TRPC3: variants seen among roughly 807,000 people sequenced by gnomAD.
TRPC3 encodes transient receptor potential cation channel subfamily C member 3.
In TRPC3, 54 loss-of-function variants were observed where a neutral mutation model predicts 90.9. The ratio of observed to expected loss-of-function variants is 0.59; its 90% CI spans 0.48 to 0.75. The LOEUF (loss-of-function observed/expected upper bound fraction) is 0.75. Ranked by LOEUF, TRPC3 falls within the 30% of genes least tolerant of loss-of-function variation. The pLI, the probability that TRPC3 is intolerant of heterozygous loss-of-function variation, is 0.00. For synonymous variants in TRPC3, 424 were observed against 450.9 expected, an observed-to-expected ratio of 0.94 and a Z score of 0.75; for missense variants, 918 against 1,194.5, an observed-to-expected ratio of 0.77 and a Z score of 3.41.
chr4:121,942,112 C>T (rs544001402), intron 1 of TRPC3, among the ~76,000 whole-genome samples: 10 of 152,314 alleles, frequency 6.6e-5, no homozygotes, highest in African/African-American at 2.2e-4. Context: ...AGATTCTCAT[C>T]ATTCCCACCG....
intron 7 of TRPC3, among the ~76,000 whole-genome samples, chr4:121,906,506 T>TA (rs1211522275): frequency 5.4e-4 from 82 of 152,240 alleles, no homozygotes; most frequent in African/African-American, 1.9e-3. Context: ...TATTAACTAT[T>TA]AAAAAATTCA....
chr4:121,932,725 G>A lies in TRPC3; in HGVS notation c.533C>T (p.Ala178Val). ...GCCCTTGCTGATGGCGAGCAGCAGG[G>A]CGTCGCCAATGCGCGCCAGGTTCTC... ...KKENLARIGD[A>V]LLLAISKGYV... Residue 178 changes from alanine to valine, a missense_variant, in exon 2 of 12, where the codon GCC (alanine) becomes GTC (valine). Physicochemically the swap from Ala to Val is moderately conservative, Grantham distance 64. Coordinates refer to ENST00000379645, the MANE Select transcript of TRPC3 (RefSeq NM_001130698.2). The surrounding 1 kb of genome is among the most constrained non-coding windows in gnomAD (Gnocchi z 7.7). 6.2e-7 allele frequency: 1 copy of A among 1,613,948 alleles called. No homozygotes were observed. The highest frequency in any genetic ancestry group is 2.2e-5 in the East Asian group (1 of 44,858).
intron 1 of TRPC3, among the ~76,000 whole-genome samples, chr4:121,944,900 CA>C (rs1348638208): frequency 6.6e-6 from 1 of 152,226 alleles, no homozygotes; most frequent in African/African-American, 2.4e-5. Context: ...CAGGAGGCCA[CA>C]GTGCGAACAG....
rs759083915 is a variant in TRPC3 at position 121,911,986 on chromosome 4, G to C, written c.1449C>G (p.Gly483=). The change falls in exon 5 of 12, where the codon GGC becomes GGG. Residue 483 remains glycine (G), a synonymous_variant. Coordinates refer to ENST00000379645, the MANE Select transcript of TRPC3 (RefSeq NM_001130698.2). ...LVFNASDRFE[G]ITTLPNITVT... Reference sequence around the variant, plus strand: ...CTGTGATATTGGGCAGCGTGGTGATGCCTTCGAACCTGTCTGAGGCATTGA... The same window carrying C: ...CTGTGATATTGGGCAGCGTGGTGATCCCTTCGAACCTGTCTGAGGCATTGA... 1.2e-6 allele frequency: 2 copies of C among 1,613,934 alleles called. No individual in the cohort carries two copies. Among genetic ancestry groups the C allele is most frequent in the Admixed American group, 3.3e-5 (2 of 59,982 alleles).
chr4:121,928,037 C>A (rs978825654), intron 2 of TRPC3, among the ~76,000 whole-genome samples: 1 of 152,058 alleles, frequency 6.6e-6, no homozygotes, highest in Non-Finnish European at 1.5e-5. Context: ...TCAGACTGTT[C>A]TGTAAGATTT....
intron 10 of TRPC3, among the ~76,000 whole-genome samples, 154 bp from the exon 11 acceptor site, chr4:121,882,583 C>T (rs1201508467): frequency 1.3e-5 from 2 of 152,124 alleles, no homozygotes; most frequent in Non-Finnish European, 2.9e-5. Context: ...GGTTTCAGAA[C>T]TTAACTCTCT....
At chr4:121,948,090 C>T (rs1194047327) in intron 1 of TRPC3, among the ~76,000 whole-genome samples, 2 of 151,994 alleles carry the variant, frequency 1.3e-5, no homozygotes, top group African/African-American at 4.8e-5. Context: ...GTAACAATTC[C>T]CATCAGACAG....
intron 3 of TRPC3, among the ~76,000 whole-genome samples, chr4:121,915,241 C>G (rs1259071471): frequency 1.3e-5 from 2 of 152,154 alleles, no homozygotes; most frequent in African/African-American, 4.8e-5. Flanking sequence ...TCTGTGGAAT[C>G]TGGGTGACAT....
intron 3 of TRPC3, among the ~76,000 whole-genome samples, chr4:121,924,626 A>T (rs1356232854): frequency 6.6e-6 from 1 of 152,158 alleles, no homozygotes; most frequent in Non-Finnish European, 1.5e-5. Flanking sequence ...TGCAGCTTCA[A>T]ATCTCCTGGG....
chr4:121,920,659 A>C (rs1490058328), intron 3 of TRPC3, among the ~76,000 whole-genome samples: 1 of 152,226 alleles, frequency 6.6e-6, no homozygotes, highest in African/African-American at 2.4e-5. Context: ...TGTTAGTTTA[A>C]GAGAAGGAAA....
intron 10 of TRPC3, among the ~76,000 whole-genome samples, chr4:121,892,217 A>G (rs182116675): frequency 3.3e-4 from 50 of 152,362 alleles, no homozygotes; most frequent in African/African-American, 1.2e-3. Flanking sequence ...ATGTTTAAAA[A>G]TATTAAGATA....
At chr4:121,897,664 T>C (rs4292354) in intron 10 of TRPC3, among the ~76,000 whole-genome samples, 144,898 of 151,696 alleles carry the variant, frequency 0.96, 69,567 homozygotes, top group Non-Finnish European at 1. Context: ...AAAATGCTGG[T>C]AAGAATGCAG....
chr4:121,936,233 A>G (rs903289865), intron 1 of TRPC3, among the ~76,000 whole-genome samples: 5 of 152,244 alleles, frequency 3.3e-5, no homozygotes, highest in Non-Finnish European at 5.9e-5. Context: ...TATTCACATC[A>G]TCCACAATGC....
chr4:121,885,330 G>A (rs564008008), intron 10 of TRPC3, among the ~76,000 whole-genome samples: 11 of 152,254 alleles, frequency 7.2e-5, no homozygotes, highest in Admixed American at 2.6e-4. Flanking sequence ...AGACTCTTGA[G>A]GTCTCTCTCC....
At chr4:121,921,348 C>G (rs1393701500) in intron 3 of TRPC3, among the ~76,000 whole-genome samples, 1 of 151,392 alleles carries the variant, frequency 6.6e-6, no homozygotes, top group African/African-American at 2.4e-5. Context: ...CGGTGAAACC[C>G]CGTCTCTACT....
In TRPC3 at chr4:121,899,620, G is replaced by C; in HGVS notation, c.2539C>G (p.Arg847Gly). 6.2e-7 allele frequency: 1 copy of C among 1,612,878 alleles called. No individual in the cohort carries two copies. Among genetic ancestry groups the C allele is most frequent in the Non-Finnish European group, 8.5e-7 (1 of 1,179,198 alleles). Residue 847 changes from arginine to glycine, a missense_variant, in exon 10 of 12, where the codon CGT becomes GGT. By Grantham distance (125) the Arg-to-Gly change is moderately radical (BLOSUM62 -2). This residue lies in a region of TRPC3 where 121 missense variants were observed against 135.7 expected (regional missense o/e 0.89). Transcript: ENST00000379645. ...SFNSILNQPT[R>G]YQQIMKRLIK... ...GTCTAATGAATGCTTACCTGATAAC[G>C]TGTTGGCTGATTGAGAATGCTGTTA...
In TRPC3 at chr4:121,878,945, AC is replaced by A. The variant is rs1009982453; in HGVS notation, c.*790del. ...ATTAGATGGTTATAACAAAATGACAACCCTGCATAACCCCCAACTTAAAAGA... is the reference window on the plus strand; with the variant it reads ...ATTAGATGGTTATAACAAAATGACAACCTGCATAACCCCCAACTTAAAAGA... On this transcript the variant is annotated 3_prime_UTR_variant, in exon 12 of 12. Coordinates refer to ENST00000379645, the MANE Select transcript of TRPC3 (RefSeq NM_001130698.2). 1.3e-5 allele frequency: 2 copies of A among 152,150 alleles called. No individual in the cohort carries two copies. The highest frequency in any genetic ancestry group is 4.8e-5 in the African/African-American group (2 of 41,438). The allele number at this position is 152,150 out of a possible 1,614,324, so 9.4% of individuals were successfully genotyped here. A position where few individuals can be genotyped will look rare whatever the true frequency, so the allele number is the denominator to read the frequency against.
intron 1 of TRPC3, among the ~76,000 whole-genome samples, chr4:121,941,630 G>A (rs1057209192): frequency 2.5e-5 from 2 of 80,850 alleles, no homozygotes; most frequent in African/African-American, 9.2e-5. Flanking sequence ...GAAAGTCAGA[G>A]AAGAAAAGTC....
chr4:121,922,864 G>A (rs1276802628), intron 3 of TRPC3, among the ~76,000 whole-genome samples: 1 of 152,184 alleles, frequency 6.6e-6, no homozygotes, highest in Non-Finnish European at 1.5e-5. Context: ...GGGCAATCTA[G>A]CCAATTTAAT....
Sources: gnomAD v4.1 joint callset for allele counts (sites outside exome capture counted in the v4.1 genomes callset) on GRCh38, gnomAD v4.1.1 for gene constraint, gnomAD v4.1.1 regional missense constraint, Gnocchi (gnomAD v3.1) non-coding constraint, MANE v1.5 for transcripts, NCBI Gene and HGNC (gene_info 2026-07-23, HGNC 2026-07-21) for gene names.